The following ABHD2 variants were observed in gnomAD, a reference collection of about 807,000 sequenced individuals.
ABHD2 encodes the protein abhydrolase domain containing 2, acylglycerol lipase.
Under a neutral mutation model 48.1 loss-of-function variants are expected in ABHD2, and 20 were observed. That is an observed-to-expected ratio of 0.42 (90% CI 0.29 to 0.60). ABHD2 has a LOEUF of 0.60. Among genes scored for constraint, ABHD2 ranks in the 20% least tolerant of loss-of-function variants. The pLI is 0.24. For missense variants in ABHD2, 405 were observed against 550.9 expected (o/e 0.74, Z 2.65); for synonymous variants, 209 against 214.2 (o/e 0.98, Z 0.21).
chr15:89,116,476 G>C lies in ABHD2; in HGVS notation c.149G>C (p.Gly50Ala). The change falls in exon 3 of 11, where the codon GGG becomes GCG. Residue 50 changes from glycine (G) to alanine (A), a missense_variant. Coordinates refer to ENST00000352732, the MANE Select transcript of ABHD2 (RefSeq NM_152924.5). This position sits in a 1 kb window ranked among gnomAD's most constrained non-coding sequence, Gnocchi z 4.6. Reference protein sequence around the residue: ...APPDLYFQDSGLSRFLLKSCP... With the variant: ...APPDLYFQDSALSRFLLKSCP... ...CCTGACCTCTACTTCCAGGACTCGG[G>C]GCTCTCACGCTTTCTGCTCAAGTCC... The C allele has an allele frequency of 6.2e-7, 1 of 1,614,208 alleles. No homozygotes were observed. Among genetic ancestry groups the C allele is most frequent in the Non-Finnish European group, 8.5e-7 (1 of 1,180,044 alleles).
intron 3 of ABHD2, among the ~76,000 whole-genome samples, chr15:89,121,933 A>G (rs894040341): frequency 2.0e-5 from 3 of 152,162 alleles, no homozygotes; most frequent in Admixed American, 6.5e-5. Context: ...AGCTCAAGCT[A>G]TCCTCCTGCC....
the ABHD2 span, among the ~76,000 whole-genome samples, chr15:89,062,182 G>C: frequency 6.6e-6 from 1 of 152,178 alleles, no homozygotes; most frequent in South Asian, 2.1e-4. Context: ...AGGAAAGCTG[G>C]CTAGGGTCCT....
At chr15:89,139,386 C>G (rs769488458) in intron 3 of ABHD2, among the ~76,000 whole-genome samples, 18 of 152,088 alleles carry the variant, frequency 1.2e-4, no homozygotes, top group Non-Finnish European at 2.1e-4. Flanking sequence ...CCTATTCTAT[C>G]TCTCTGACCC....
At chr15:89,153,223 G>T (rs984112258) in intron 4 of ABHD2, among the ~76,000 whole-genome samples, 4 of 152,066 alleles carry the variant, frequency 2.6e-5, no homozygotes, top group Non-Finnish European at 5.9e-5. Context: ...TTAGTTCTTC[G>T]TGGTAGCTTC....
Position 89,097,449 on chromosome 15 carries a change from T to A in ABHD2, c.-107+8886T>A, listed in dbSNP as rs2049630750. On this transcript the variant is annotated intron_variant, in intron 1 of 10. Transcript: ENST00000352732. This position sits in a 1 kb window ranked among gnomAD's most constrained non-coding sequence, Gnocchi z 4.2. ...TCCAATTGTTTAAAAATGGCATAAGTGTTTTTCTCCTTAAGCTTAATTTTT... is the reference window on the plus strand; with the variant it reads ...TCCAATTGTTTAAAAATGGCATAAGAGTTTTTCTCCTTAAGCTTAATTTTT... Among the ~76,000 whole-genome samples the A allele has an allele frequency of 6.6e-6, 1 of 152,248 alleles. No individual in the cohort carries two copies. Among genetic ancestry groups the A allele is most frequent in the Admixed American group, 6.5e-5 (1 of 15,288 alleles).
chr15:89,056,908 CT>C, the ABHD2 span, among the ~76,000 whole-genome samples: 11,784 of 86,984 alleles, frequency 0.14, 206 homozygotes, highest in East Asian at 0.2. Context: ...TAAGTGATAC[CT>C]TTTTTTTTTT....
At position 89,168,244 on chromosome 15, in the gene ABHD2, G is replaced by A. The variant is rs2050866609; in HGVS notation, c.539-7568G>A. ...CCCAGCAAGTTGCCTTTCCAAAATG[G>A]CCGTGCAATACTCATCTGTCTAAGG... is the stretch of plus-strand genomic sequence containing the variant. On this transcript the variant is annotated intron_variant, in intron 5 of 10. Coordinates refer to ENST00000352732, the MANE Select transcript of ABHD2 (RefSeq NM_152924.5). The surrounding 1 kb of genome is among the most constrained non-coding windows in gnomAD (Gnocchi z 4.8). Among the ~76,000 whole-genome samples the A allele has an allele frequency of 6.6e-6, 1 of 152,142 alleles. No individual in the cohort carries two copies.
chr15:89,181,884 T>G (rs1426943694), intron 6 of ABHD2, among the ~76,000 whole-genome samples: 3 of 152,232 alleles, frequency 2.0e-5, no homozygotes, highest in Non-Finnish European at 4.4e-5. Flanking sequence ...AAATGCCTGT[T>G]TGTTGGGACC....
At position 89,195,579 on chromosome 15, in the gene ABHD2, G is replaced by A. The variant is rs1281690045; in HGVS notation, c.*156G>A. 4 of 732,826 alleles carry A rather than the reference G, an allele frequency of 5.5e-6. No homozygotes were observed. The highest frequency in any genetic ancestry group is 4.2e-6 in the Non-Finnish European group (2 of 471,294). 45.4% of individuals were successfully genotyped at this position (732,826 alleles called of 1,614,324 possible). ...ATGCACACCTGTCTCGGAGTAGGCA[G>A]CTCTTCCTGGGAGCTCCAGGCTATT... On this transcript the variant is annotated 3_prime_UTR_variant, in exon 11 of 11. Transcript: ENST00000352732. This position sits in a 1 kb window ranked among gnomAD's most constrained non-coding sequence, Gnocchi z 5.1.
intron 10 of ABHD2, among the ~76,000 whole-genome samples, chr15:89,194,646 C>T (rs2051365053): frequency 6.6e-6 from 1 of 152,132 alleles, no homozygotes; most frequent in South Asian, 2.1e-4. Context: ...TGCCATGAAT[C>T]GCTACTCAGA....
At position 89,195,259 on chromosome 15, in the gene ABHD2, C is replaced by G. The variant is rs1281382278; in HGVS notation, c.1114C>G (p.Leu372Val). 3 of 1,614,190 alleles carry G rather than the reference C, an allele frequency of 1.9e-6. No individual in the cohort carries two copies. ...AGAGAACGTCATGTTTGTGCTGCCT[C>G]TGCATGGGGGCCACTTGGGCTTCTT... Reference protein sequence around the residue: ...KRENVMFVLPLHGGHLGFFEG... With the variant: ...KRENVMFVLPVHGGHLGFFEG... The change falls in exon 11 of 11, where the codon CTG becomes GTG. Residue 372 changes from leucine (L) to valine (V), a missense_variant. Physicochemically the swap from Leu to Val is conservative, Grantham distance 32 (BLOSUM62 1). Coordinates refer to ENST00000352732, the MANE Select transcript of ABHD2 (RefSeq NM_152924.5). The surrounding 1 kb of genome is among the most constrained non-coding windows in gnomAD (Gnocchi z 5.1).
At chr15:89,158,050 A>G (rs1413224019) in intron 5 of ABHD2, among the ~76,000 whole-genome samples, 1 of 152,036 alleles carries the variant, frequency 6.6e-6, no homozygotes, top group Non-Finnish European at 1.5e-5. Flanking sequence ...ATGGGGAGGC[A>G]TGGCTTGGCT....
chr15:89,173,465 C>T lies in ABHD2; in HGVS notation c.539-2347C>T, dbSNP rs2150924510. On this transcript the variant is annotated intron_variant, in intron 5 of 10. Coordinates refer to ENST00000352732, the MANE Select transcript of ABHD2 (RefSeq NM_152924.5). This position sits in a 1 kb window ranked among gnomAD's most constrained non-coding sequence, Gnocchi z 6.5. ...GCACATGCCTGTAACCCCAGCTACT[C>T]AGGGGGCTGAGGCAGGAGGATCGCT... Among the ~76,000 whole-genome samples, 1 of 152,320 alleles carries T rather than the reference C, an allele frequency of 6.6e-6. No homozygotes were observed. Among genetic ancestry groups the T allele is most frequent in the South Asian group, 2.1e-4 (1 of 4,822 alleles).
the ABHD2 span, among the ~76,000 whole-genome samples, chr15:89,061,292 C>T: frequency 7.4e-6 from 1 of 135,386 alleles, no homozygotes; most frequent in African/African-American, 2.5e-5. Context: ...GTGGCATGTG[C>T]CTGTAATCCC....
rs765570653 is a variant in ABHD2 at position 89,199,393 on chromosome 15, C to T, written c.*3970C>T. 4.6e-5 allele frequency: 7 copies of T among 152,602 alleles called. No homozygotes were observed. The highest frequency in any genetic ancestry group is 1.3e-4 in the Admixed American group (2 of 15,266). 9.5% of individuals were successfully genotyped at this position (152,602 alleles called of 1,614,324 possible). The stretch of plus-strand genomic sequence containing the variant: ...GTCATTAAGAAGCATTTCACTGTAG[C>T]ATTCTATCACAATATCATCTGGAAT... On this transcript the variant is annotated 3_prime_UTR_variant, in exon 11 of 11. Coordinates refer to ENST00000352732, the MANE Select transcript of ABHD2 (RefSeq NM_152924.5). This position sits in a 1 kb window ranked among gnomAD's most constrained non-coding sequence, Gnocchi z 4.1.
At chr15:89,128,791 G>C (rs371675080) in intron 3 of ABHD2, among the ~76,000 whole-genome samples, 7 of 152,134 alleles carry the variant, frequency 4.6e-5, no homozygotes, top group South Asian at 2.1e-4. Flanking sequence ...TGGTCTGTGG[G>C]GGGGAGGAAG....
At chr15:89,139,846 G>A (rs1286587460) in intron 3 of ABHD2, among the ~76,000 whole-genome samples, 3 of 152,308 alleles carry the variant, frequency 2.0e-5, no homozygotes, top group African/African-American at 7.2e-5. Context: ...AACATCCCGA[G>A]CCTATGTCTC....
intron 3 of ABHD2, among the ~76,000 whole-genome samples, chr15:89,118,103 C>T (rs1488142464): frequency 6.6e-6 from 1 of 152,186 alleles, no homozygotes; most frequent in African/African-American, 2.4e-5. Context: ...AGTTAAAAAT[C>T]AGCTCTGTAA....
Position 89,094,798 on chromosome 15 carries a change from C to T in ABHD2, c.-107+6235C>T, listed in dbSNP as rs1312706784. 6.7e-6 allele frequency among the ~76,000 whole-genome samples: 1 copy of T among 150,050 alleles called. No individual in the cohort carries two copies. The highest frequency in any genetic ancestry group is 2.0e-4 in the East Asian group (1 of 4,998). On this transcript the variant is annotated intron_variant, in intron 1 of 10. Transcript: ENST00000352732. The surrounding 1 kb of genome is among the most constrained non-coding windows in gnomAD (Gnocchi z 4.7). ...ATATTTTAGCCTGGGTGCGGTGGCTCACACCTGTAATCCCAGTACTTTGAG... is the reference window on the plus strand; with the variant it reads ...ATATTTTAGCCTGGGTGCGGTGGCTTACACCTGTAATCCCAGTACTTTGAG...
Sources: allele counts gnomAD v4.1 joint callset (sites outside exome capture counted in the v4.1 genomes callset), GRCh38; gene constraint gnomAD v4.1.1; non-coding constraint Gnocchi (gnomAD v3.1); transcripts MANE v1.5; gene names NCBI Gene and HGNC (gene_info 2026-07-23, HGNC 2026-07-21).